The following MEGF11 variants were observed in gnomAD, a reference collection of about 807,000 sequenced individuals.
MEGF11 encodes multiple EGF like domains 11, also known as multiple epidermal growth factor-like domains protein 11.
In MEGF11, 126 loss-of-function variants were observed where a neutral mutation model predicts 146.6. The ratio of observed to expected loss-of-function variants is 0.86; its 90% CI spans 0.74 to 1.00. The LOEUF is 1.00. Among genes scored for constraint, MEGF11 ranks in the 50% least tolerant of loss-of-function variants. MEGF11 has a pLI of 0.00. For missense variants in MEGF11, 1,509 were observed against 1,521.2 expected (o/e 0.99, Z 0.13); for synonymous variants, 532 against 583.4 (o/e 0.91, Z 1.27).
At chr15:66,096,096 G>A (rs1414627630) in intron 4 of MEGF11, among the ~76,000 whole-genome samples, 6 of 152,124 alleles carry the variant, frequency 3.9e-5, no homozygotes, top group Admixed American at 3.3e-4. Context: ...TGGGATGCCA[G>A]CCCCTCAGCC....
rs2141117376 is a variant in MEGF11 at position 65,895,763 on chromosome 15, T to C, written c.*2171A>G. ...TGGACTGCTAGAGCTGAAGGGTTAGTAGAGCTGTCTTCCCACTCTCTGCTT... is the reference window on the plus strand; with the variant it reads ...TGGACTGCTAGAGCTGAAGGGTTAGCAGAGCTGTCTTCCCACTCTCTGCTT... On this transcript the variant is annotated 3_prime_UTR_variant, in exon 26 of 26. Transcript: ENST00000395614. 1 of 152,670 alleles carries C rather than the reference T, an allele frequency of 6.6e-6. No homozygotes were observed. The highest frequency in any genetic ancestry group is 2.1e-4 in the South Asian group (1 of 4,820). The allele number at this position is 152,670 out of a possible 1,614,324, so 9.5% of individuals were successfully genotyped here.
intron 10 of MEGF11, among the ~76,000 whole-genome samples, chr15:65,931,200 A>G (rs779081845): frequency 1.3e-5 from 2 of 152,190 alleles, no homozygotes; most frequent in Non-Finnish European, 2.9e-5. Flanking sequence ...AAAGATGACC[A>G]AAGAAGGTAG....
intron 5 of MEGF11, among the ~76,000 whole-genome samples, chr15:66,071,141 A>G (rs2085346349): frequency 6.6e-6 from 1 of 152,142 alleles, no homozygotes; most frequent in Non-Finnish European, 1.5e-5. Context: ...ACCTTATAGA[A>G]CTGTCCTCTC....
rs2078717780 is a variant in MEGF11 at position 65,909,154 on chromosome 15, GGGA to G, written c.2897-22_2897-20del. The G allele has an allele frequency of 9.4e-6, 14 of 1,481,776 alleles. No homozygotes were observed. The highest frequency in any genetic ancestry group is 1.3e-5 in the Non-Finnish European group (14 of 1,097,404). The allele number at this position is 1,481,776 out of a possible 1,614,324, so 91.8% of individuals were successfully genotyped here. On this transcript the variant is annotated intron_variant, in intron 22 of 25. Coordinates refer to ENST00000395614, the MANE Select transcript of MEGF11 (RefSeq NM_001385028.1). ...TGGGAGTCTAGTGAGAGGAATGACA[GGGA>G]GGAGCCATTATTCCCAGGGCCCTGG...
chr15:65,911,933 C>G (rs2141192898), intron 21 of MEGF11, 149 bp downstream of exon 21: 1 of 415,644 alleles, frequency 2.4e-6, no homozygotes, highest in African/African-American at 2.0e-5. Context: ...TTACGTGTAC[C>G]ACGGATTGCA....
intron 5 of MEGF11, among the ~76,000 whole-genome samples, chr15:66,038,005 T>C (rs768418526): frequency 2.0e-5 from 3 of 152,250 alleles, no homozygotes; most frequent in Non-Finnish European, 4.4e-5. Flanking sequence ...ATTCTTTTTA[T>C]TATCAGCTAA....
chr15:66,221,609 A>G (rs2091739369), intron 1 of MEGF11, among the ~76,000 whole-genome samples: 1 of 151,126 alleles, frequency 6.6e-6, no homozygotes, highest in Non-Finnish European at 1.5e-5. Context: ...GCGGGGACAG[A>G]CCTCTCTTTA....
intron 5 of MEGF11, among the ~76,000 whole-genome samples, chr15:66,069,906 G>C (rs1390244630): frequency 6.6e-6 from 1 of 152,172 alleles, no homozygotes; most frequent in Non-Finnish European, 1.5e-5. Flanking sequence ...AAATGAATAG[G>C]GATGGCTGTG....
intron 1 of MEGF11, among the ~76,000 whole-genome samples, chr15:66,238,964 C>G (rs1411459192): frequency 6.6e-6 from 1 of 152,230 alleles, no homozygotes; most frequent in East Asian, 1.9e-4. Flanking sequence ...TTGCATTGCT[C>G]ACTGCTGTAC....
intron 2 of MEGF11, among the ~76,000 whole-genome samples, chr15:66,124,448 G>C (rs1424634414): frequency 6.6e-6 from 1 of 152,142 alleles, no homozygotes; most frequent in Non-Finnish European, 1.5e-5. Flanking sequence ...AAGAAACTAA[G>C]GTTCAGAGAA....
At chr15:65,948,982 G>T (rs578180766) in intron 10 of MEGF11, among the ~76,000 whole-genome samples, 1 of 152,350 alleles carries the variant, frequency 6.6e-6, no homozygotes, top group East Asian at 1.9e-4. Context: ...ATTGGGAAAT[G>T]AGTCAATAGT....
intron 1 of MEGF11, among the ~76,000 whole-genome samples, chr15:66,184,391 C>A (rs1428299863): frequency 1.3e-5 from 2 of 152,030 alleles, no homozygotes; most frequent in Non-Finnish European, 2.9e-5. Context: ...TCTTCCACAG[C>A]TCCCACCATC....
At chr15:65,996,482 CT>C (rs11330825) in intron 5 of MEGF11, among the ~76,000 whole-genome samples, 114,534 of 145,680 alleles carry the variant, frequency 0.79, 45,769 homozygotes, top group Non-Finnish European at 0.87. Flanking sequence ...CTCTAGCACA[CT>C]TTTTTTTTTT....
intron 4 of MEGF11, among the ~76,000 whole-genome samples, chr15:66,117,604 G>A (rs77433777): frequency 6.6e-6 from 1 of 152,230 alleles, no homozygotes; most frequent in Non-Finnish European, 1.5e-5. Flanking sequence ...GTCCATCACT[G>A]GGCCCTGAGC....
chr15:66,030,663 G>T (rs1413386182), intron 5 of MEGF11, among the ~76,000 whole-genome samples: 6 of 152,022 alleles, frequency 3.9e-5, no homozygotes, highest in Non-Finnish European at 5.9e-5. Context: ...GCCTGCCTCG[G>T]CCTCCCAAAG....
intron 5 of MEGF11, among the ~76,000 whole-genome samples, chr15:65,984,423 G>A (rs1019279171): frequency 1.3e-5 from 2 of 149,184 alleles, no homozygotes; most frequent in African/African-American, 4.9e-5. Context: ...CTACTTGGGA[G>A]GCTGAGTCAA....
intron 1 of MEGF11, among the ~76,000 whole-genome samples, chr15:66,229,001 C>T (rs1382574216): frequency 1.3e-5 from 2 of 152,134 alleles, no homozygotes; most frequent in South Asian, 2.1e-4. Context: ...CTGGTGCTAG[C>T]GTCAGGGTGC....
At chr15:65,972,487 T>A (rs893987882) in intron 7 of MEGF11, among the ~76,000 whole-genome samples, 1 of 152,020 alleles carries the variant, frequency 6.6e-6, no homozygotes, top group South Asian at 2.1e-4. Flanking sequence ...GGCGGGAGGA[T>A]CTCTTGAGCC....
At chr15:65,967,792 C>A (rs1438494410) in intron 8 of MEGF11, among the ~76,000 whole-genome samples, 1 of 152,142 alleles carries the variant, frequency 6.6e-6, no homozygotes, top group South Asian at 2.1e-4. Context: ...TAGCTCTCCC[C>A]TCTCAGAGCC....
Sources: gnomAD v4.1 joint callset for allele counts (sites outside exome capture counted in the v4.1 genomes callset) on GRCh38, gnomAD v4.1.1 for gene constraint, MANE v1.5 for transcripts, NCBI Gene and HGNC (gene_info 2026-07-23, HGNC 2026-07-21) for gene names.